The following KATNAL1 variants were observed in gnomAD, a reference collection of about 807,000 sequenced individuals.
KATNAL1 encodes katanin p60 ATPase-containing subunit A-like 1.
In KATNAL1, 32 loss-of-function variants were observed where a neutral mutation model predicts 55.2. The ratio of observed to expected loss-of-function variants is 0.58; its 90% CI spans 0.44 to 0.78. The LOEUF is 0.78. Ranked by LOEUF, KATNAL1 falls within the 30% of genes least tolerant of loss-of-function variation. KATNAL1 has a pLI of 0.00. For missense variants in KATNAL1, 466 were observed against 600.9 expected, an observed-to-expected ratio of 0.78 and a Z score of 2.35; for synonymous variants, 193 against 193.6, an observed-to-expected ratio of 1.00 and a Z score of 0.02.
At chr13:30,262,882 ATCCT>A (rs1879424707) in intron 3 of KATNAL1, among the ~76,000 whole-genome samples, 1 of 152,156 alleles carries the variant, frequency 6.6e-6, no homozygotes, top group Non-Finnish European at 1.5e-5. Flanking sequence ...GGCCAGCATC[ATCCT>A]GATACCAAAG....
chr13:30,275,534 A>G (rs1880776517), intron 3 of KATNAL1, among the ~76,000 whole-genome samples: 1 of 152,148 alleles, frequency 6.6e-6, no homozygotes, highest in Non-Finnish European at 1.5e-5. Context: ...ATAGAAAGAG[A>G]GTAGAGTGGT....
intron 1 of KATNAL1, among the ~76,000 whole-genome samples, chr13:30,301,238 C>T (rs1447742096): frequency 6.6e-6 from 1 of 152,088 alleles, no homozygotes; most frequent in East Asian, 1.9e-4. Context: ...GGCGTGGTAG[C>T]GAGTGCCTGT....
intron 2 of KATNAL1, among the ~76,000 whole-genome samples, chr13:30,281,450 T>TA (rs1881320363): frequency 6.6e-6 from 1 of 152,044 alleles, no homozygotes; most frequent in Non-Finnish European, 1.5e-5. Context: ...TCAGAATATA[T>TA]AAAAAACATT....
chr13:30,246,853 A>AC (rs147799759), intron 4 of KATNAL1, among the ~76,000 whole-genome samples: 5,265 of 152,310 alleles, frequency 0.035, 103 homozygotes, highest in African/African-American at 0.051. Flanking sequence ...ACCATCTCAC[A>AC]CAATTAGAAT....
At chr13:30,236,136 G>A (rs998073845) in intron 6 of KATNAL1, among the ~76,000 whole-genome samples, 10 of 152,254 alleles carry the variant, frequency 6.6e-5, no homozygotes, top group African/African-American at 1.9e-4. Flanking sequence ...CATGTGTAAG[G>A]GGACCCACGA....
intron 4 of KATNAL1, among the ~76,000 whole-genome samples, chr13:30,252,746 CTTTT>C (rs1159261874): frequency 1.4e-5 from 2 of 143,896 alleles, no homozygotes; most frequent in East Asian, 2.0e-4. Context: ...ATTTTCCTTT[CTTTT>C]TTTTTTTTTT....
At chr13:30,211,001 A>G (rs1810615887) in intron 9 of KATNAL1, among the ~76,000 whole-genome samples, 1 of 152,208 alleles carries the variant, frequency 6.6e-6, no homozygotes, top group African/African-American at 2.4e-5. Context: ...TTGCTGTTCC[A>G]GTATGATTTA....
rs560092866 is a variant in KATNAL1 at position 30,245,017 on chromosome 13, T to TAA, written c.493-3933_493-3932dup. ...TCCTTCTGAAACTATTCCAAACAAT[T>TAA]AAAAAAAAAAAAGGGACTCTTCCCT... On this transcript the variant is annotated intron_variant, in intron 4 of 10. Transcript: ENST00000380615. Among the ~76,000 whole-genome samples, 395 of 138,330 alleles carry TAA rather than the reference T, an allele frequency of 2.9e-3. 1 individual carries two copies. Among genetic ancestry groups the TAA allele is most frequent in the Admixed American group, 0.016 (222 of 13,836 alleles). 90.7% of individuals were successfully genotyped at this position (138,330 alleles called of 152,430 possible).
chr13:30,272,221 A>C (rs1204581786), intron 3 of KATNAL1, among the ~76,000 whole-genome samples: 1 of 152,136 alleles, frequency 6.6e-6, no homozygotes, highest in Non-Finnish European at 1.5e-5. Flanking sequence ...GACATGGTGA[A>C]ACCCCGTCTC....
intron 4 of KATNAL1, among the ~76,000 whole-genome samples, chr13:30,252,828 T>G (rs1878445712): frequency 1.3e-5 from 2 of 152,032 alleles, no homozygotes. Flanking sequence ...CTGCAACCTC[T>G]GCCTCCCTCC....
chr13:30,212,441 C>T (rs1180667979), intron 9 of KATNAL1, among the ~76,000 whole-genome samples: 1 of 152,232 alleles, frequency 6.6e-6, no homozygotes, highest in Non-Finnish European at 1.5e-5. Flanking sequence ...CCTCACCACT[C>T]TGTGCCTGGC....
chr13:30,271,202 GAAGT>G (rs964556712), intron 3 of KATNAL1, among the ~76,000 whole-genome samples: 1 of 152,166 alleles, frequency 6.6e-6, no homozygotes, highest in African/African-American at 2.4e-5. Flanking sequence ...ATAACCCTAC[GAAGT>G]AATTTTCATA....
At chr13:30,253,991 G>A (rs565169172) in intron 4 of KATNAL1, among the ~76,000 whole-genome samples, 1 of 152,234 alleles carries the variant, frequency 6.6e-6, no homozygotes, top group South Asian at 2.1e-4. Context: ...CTACTTCACG[G>A]GATTGCTTCA....
chr13:30,299,379 T>C lies in KATNAL1; in HGVS notation c.-15+7952A>G, dbSNP rs943847181. Reference sequence around the variant, plus strand: ...AAATGTGATCATATGTTAACATCATTCCTCACATACAACACTGAATCAATA... The same window carrying C: ...AAATGTGATCATATGTTAACATCATCCCTCACATACAACACTGAATCAATA... On this transcript the variant is annotated intron_variant, in intron 1 of 10. Transcript: ENST00000380615. 1.3e-5 allele frequency among the ~76,000 whole-genome samples: 2 copies of C among 152,204 alleles called. 1 individual carries two copies. Among genetic ancestry groups the C allele is most frequent in the South Asian group, 4.1e-4 (2 of 4,830 alleles).
chr13:30,240,538 AG>A lies in KATNAL1; in HGVS notation c.647del (p.Ala216ValfsTer5). ...HWDDIADLEE[A>X]KKLLREAVVL... ...CAACAGCTTCCCTTAGCAACTTCTT[AG>A]CTTCTTCCAGATCTGCTATGTCATC... On this transcript the variant is annotated frameshift_variant, in exon 6 of 11. Coordinates refer to ENST00000380615, the MANE Select transcript of KATNAL1 (RefSeq NM_032116.5). LOFTEE classifies it high-confidence loss of function. 1 of 1,613,574 alleles carries A rather than the reference AG, an allele frequency of 6.2e-7. No homozygotes were observed. The highest frequency in any genetic ancestry group is 8.5e-7 in the Non-Finnish European group (1 of 1,179,560).
intron 8 of KATNAL1, among the ~76,000 whole-genome samples, chr13:30,228,701 T>C (rs2137390487): frequency 6.6e-6 from 1 of 152,334 alleles, no homozygotes; most frequent in Admixed American, 6.5e-5. Flanking sequence ...CCACAGTTGA[T>C]GAATAACCGT....
At chr13:30,241,637 A>T (rs1360481769) in intron 4 of KATNAL1, among the ~76,000 whole-genome samples, 1 of 152,220 alleles carries the variant, frequency 6.6e-6, no homozygotes, top group Non-Finnish European at 1.5e-5. Flanking sequence ...ATACTTCAGC[A>T]AGCACAGCCA....
At chr13:30,231,276 C>A (rs1264031315) in intron 7 of KATNAL1, 38 bp downstream of exon 7, 2 of 1,562,538 alleles carry the variant, frequency 1.3e-6, no homozygotes, top group Non-Finnish European at 1.7e-6. Flanking sequence ...CATAGGCCTA[C>A]ACACACTACT....
chr13:30,290,733 AATGT>A (rs1395601107), intron 1 of KATNAL1, among the ~76,000 whole-genome samples: 1 of 152,184 alleles, frequency 6.6e-6, no homozygotes, highest in African/African-American at 2.4e-5. Flanking sequence ...TAAAATAGAT[AATGT>A]ATTATGACCC....
Sources: allele counts gnomAD v4.1 joint callset (sites outside exome capture counted in the v4.1 genomes callset), GRCh38; gene constraint gnomAD v4.1.1; transcripts MANE v1.5; gene names NCBI Gene and HGNC (gene_info 2026-07-23, HGNC 2026-07-21).